The following PTPN13 variants were observed in gnomAD, a reference collection of about 807,000 sequenced individuals.
PTPN13 encodes the protein protein tyrosine phosphatase non-receptor type 13.
Under a neutral mutation model 284.0 loss-of-function variants are expected in PTPN13, and 191 were observed. That is an observed-to-expected ratio of 0.67 (90% CI 0.60 to 0.76). The LOEUF is 0.76. Among genes scored for constraint, PTPN13 ranks in the 30% least tolerant of loss-of-function variants. PTPN13 has a pLI of 0.00. For synonymous variants in PTPN13, 986 were observed against 1,022.3 expected (o/e 0.96, Z 0.68); for missense variants, 2,797 against 2,939.9 (o/e 0.95, Z 1.12).
chr4:86,713,275 T>C (rs997170150), intron 7 of PTPN13, among the ~76,000 whole-genome samples: 5 of 152,184 alleles, frequency 3.3e-5, no homozygotes, highest in Middle Eastern at 3.4e-3. Context: ...TTTGGAAAAG[T>C]CCCTTAAAAA....
At chr4:86,781,419 A>G (rs1362617780) in intron 36 of PTPN13, among the ~76,000 whole-genome samples, 2 of 152,228 alleles carry the variant, frequency 1.3e-5, no homozygotes. Flanking sequence ...TTTTGTAATG[A>G]TAGCTAAGAA....
chr4:86,649,268 A>G (rs917534289), intron 2 of PTPN13, among the ~76,000 whole-genome samples: 2 of 152,216 alleles, frequency 1.3e-5, no homozygotes, highest in African/African-American at 2.4e-5. Context: ...TTGGTTGCCT[A>G]TACTTCTGAG....
In PTPN13 at chr4:86,803,685, T is replaced by G. The variant is rs112497856; in HGVS notation, c.6506-24T>G. 1,408 of 1,611,026 alleles carry G rather than the reference T, an allele frequency of 8.7e-4. 8 individuals are homozygous for G. The African/African-American group carries it at 0.016, about 19-fold the overall frequency. On this transcript the variant is annotated intron_variant, in intron 42 of 47. Transcript: ENST00000411767. ...TTAAATTGGTTCTGGAGGAACTGTT[T>G]TTAAATTGCTGTCTTCCTATTAGAT...
In PTPN13 at chr4:86,610,154, C is replaced by T. The variant is rs531498561; in HGVS notation, c.-6+15365C>T. On this transcript the variant is annotated intron_variant, in intron 1 of 47. Transcript: ENST00000411767. The stretch of plus-strand genomic sequence containing the variant: ...GCTTGAACCCAGGAGGCAGAGGTTG[C>T]GGTGAGCCAAGATCACACCACTGCA... 1.2e-4 allele frequency among the ~76,000 whole-genome samples: 18 copies of T among 152,092 alleles called. No individual in the cohort carries two copies. In the East Asian group the frequency reaches 2.1e-3, roughly 18 times the overall value.
At chr4:86,655,516 G>T (rs977687537) in intron 2 of PTPN13, among the ~76,000 whole-genome samples, 2 of 152,150 alleles carry the variant, frequency 1.3e-5, no homozygotes, top group African/African-American at 4.8e-5. Context: ...AGTTTGGCTG[G>T]ATATGAAATT....
At chr4:86,691,142 A>T (rs1729979801) in intron 5 of PTPN13, among the ~76,000 whole-genome samples, 1 of 151,912 alleles carries the variant, frequency 6.6e-6, no homozygotes, top group Non-Finnish European at 1.5e-5. Flanking sequence ...TGGGAGGACT[A>T]CTTGAGCCTG....
chr4:86,646,539 C>T (rs766820927), intron 2 of PTPN13, among the ~76,000 whole-genome samples: 49 of 152,176 alleles, frequency 3.2e-4, no homozygotes, highest in Non-Finnish European at 5.6e-4. Flanking sequence ...CTCAAATCAT[C>T]GGCCTGCCGC....
At chr4:86,759,432 G>A (rs985955536) in intron 23 of PTPN13, among the ~76,000 whole-genome samples, 7 of 152,166 alleles carry the variant, frequency 4.6e-5, no homozygotes, top group African/African-American at 7.2e-5. Context: ...GATGACCTGC[G>A]TTTGAGCTTT....
At position 86,745,112 on chromosome 4, in the gene PTPN13, A is replaced by G; in HGVS notation, c.2634A>G (p.Gln878=). The G allele has an allele frequency of 6.2e-7, 1 of 1,610,298 alleles. No individual in the cohort carries two copies. The highest frequency in any genetic ancestry group is 8.5e-7 in the Non-Finnish European group (1 of 1,178,640). ...QLQMRARQSN[Q]DAQDIERASF... ...AGATGAGAGCAAGACAGAGCAACCA[A>G]GATGCCCAAGATATTGGTAAGGAGA... Residue 878 remains glutamine, a synonymous_variant, in exon 17 of 48, where the codon CAA becomes CAG. Coordinates refer to ENST00000411767, the MANE Select transcript of PTPN13 (RefSeq NM_080683.3).
chr4:86,656,521 TG>T, intron 2 of PTPN13, among the ~76,000 whole-genome samples: 1 of 152,340 alleles, frequency 6.6e-6, no homozygotes, highest in African/African-American at 2.4e-5. Flanking sequence ...AGACCCTGTT[TG>T]CCAGGGTATC....
At chr4:86,653,869 A>G (rs1260470921) in intron 2 of PTPN13, among the ~76,000 whole-genome samples, 1 of 152,232 alleles carries the variant, frequency 6.6e-6, no homozygotes, top group Non-Finnish European at 1.5e-5. Context: ...ATTAAGAAAC[A>G]TCTGTGGTGC....
chr4:86,779,837 C>G (rs1057017085), intron 35 of PTPN13, among the ~76,000 whole-genome samples: 6 of 152,152 alleles, frequency 3.9e-5, no homozygotes, highest in Non-Finnish European at 7.4e-5. Flanking sequence ...TGGTACCATT[C>G]TTATAATCCT....
rs187324984 is a variant in PTPN13 at position 86,747,820 on chromosome 4, A to G, written c.2651-2650A>G. On this transcript the variant is annotated intron_variant, in intron 17 of 47. Transcript: ENST00000411767. ...AACTGTCTGCCTGTTTATTTGTACTACAAGTGAAAACAACTGGTGTTATCT... is the reference window on the plus strand; with the variant it reads ...AACTGTCTGCCTGTTTATTTGTACTGCAAGTGAAAACAACTGGTGTTATCT... Among the ~76,000 whole-genome samples the G allele has an allele frequency of 1.9e-3, 286 of 152,290 alleles. 2 individuals are homozygous for G. Among genetic ancestry groups the G allele is most frequent in the Admixed American group, 8.4e-3 (129 of 15,292 alleles).
chr4:86,683,150 C>CGTGT (rs59436322), intron 3 of PTPN13, among the ~76,000 whole-genome samples: 11 of 147,774 alleles, frequency 7.4e-5, no homozygotes, highest in South Asian at 4.3e-4. Flanking sequence ...AGGGTGTGTG[C>CGTGT]GTGTGTGTGT....
intron 3 of PTPN13, among the ~76,000 whole-genome samples, chr4:86,676,086 AAAC>A (rs1483520094): frequency 1.3e-5 from 2 of 152,210 alleles, no homozygotes; most frequent in East Asian, 3.8e-4. Context: ...CTTGACCAAA[AAAC>A]AACGAAATGC....
chr4:86,770,152 T>G lies in PTPN13; in HGVS notation c.4756T>G (p.Cys1586Gly). The change falls in exon 30 of 48, where the codon TGC becomes GGC. Residue 1586 changes from cysteine (C) to glycine (G), a missense_variant. Cys to Gly is a radical substitution (Grantham distance 159). Transcript: ENST00000411767. The stretch of plus-strand genomic sequence containing the variant: ...TGCTCCAGAAGTATTCTTGCTTCTC[T>G]GCAGACCTCCACCTGGTGTGCTACC... ...GTAPEVFLLL[C>G]RPPPGVLPEI... 6.2e-7 allele frequency: 1 copy of G among 1,613,830 alleles called. No individual in the cohort carries two copies. The highest frequency in any genetic ancestry group is 1.3e-5 in the African/African-American group (1 of 75,064).
At chr4:86,617,558 A>T (rs1487051861) in intron 1 of PTPN13, among the ~76,000 whole-genome samples, 1 of 151,994 alleles carries the variant, frequency 6.6e-6, no homozygotes, top group African/African-American at 2.4e-5. Context: ...TATATCTCCT[A>T]ATGCTATCCC....
At chr4:86,658,924 G>A (rs1435874953) in intron 2 of PTPN13, among the ~76,000 whole-genome samples, 1 of 152,038 alleles carries the variant, frequency 6.6e-6, no homozygotes, top group Non-Finnish European at 1.5e-5. Context: ...TATCTACAAA[G>A]AAAAAGGAAT....
intron 1 of PTPN13, among the ~76,000 whole-genome samples, chr4:86,621,857 CTCT>C (rs1168326257): frequency 6.6e-6 from 1 of 151,802 alleles, no homozygotes; most frequent in African/African-American, 2.4e-5. Flanking sequence ...TCTTCTTTGT[CTCT>C]TCCTTTTGCT....
Sources: gnomAD v4.1 joint callset for allele counts (sites outside exome capture counted in the v4.1 genomes callset) on GRCh38, gnomAD v4.1.1 for gene constraint, MANE v1.5 for transcripts, NCBI Gene and HGNC (gene_info 2026-07-23, HGNC 2026-07-21) for gene names.